STYX: variants seen among roughly 807,000 people sequenced by gnomAD.
STYX encodes serine/threonine/tyrosine interacting protein.
In STYX, 20 loss-of-function variants were observed where a neutral mutation model predicts 42.7. The ratio of observed to expected loss-of-function variants is 0.47; its 90% CI spans 0.33 to 0.68. The LOEUF is 0.68. Among genes scored for constraint, STYX ranks in the 30% least tolerant of loss-of-function variants. The probability of loss-of-function intolerance (pLI) is 0.02; values close to 1 mark genes in which losing one functional copy is unlikely to be tolerated. For missense variants in STYX, 226 were observed against 268.5 expected, an observed-to-expected ratio of 0.84 and a Z score of 1.11; for synonymous variants, 78 against 81.9, an observed-to-expected ratio of 0.95 and a Z score of 0.26.
chr14:52,739,666 G>C (rs923369561), intron 1 of STYX, among the ~76,000 whole-genome samples: 1 of 125,638 alleles, frequency 8.0e-6, no homozygotes, highest in African/African-American at 3.0e-5. Flanking sequence ...CGTTGAGATA[G>C]GGTCTGTCTC....
At chr14:52,737,903 G>A (rs1222571992) in intron 1 of STYX, among the ~76,000 whole-genome samples, 2 of 152,134 alleles carry the variant, frequency 1.3e-5, no homozygotes, top group Admixed American at 6.5e-5. Flanking sequence ...AGCCTCCCGA[G>A]TAGCTGGGAC....
In STYX at chr14:52,738,984, T is replaced by C. The variant is rs546580097; in HGVS notation, c.58-5868T>C. 2.6e-5 allele frequency among the ~76,000 whole-genome samples: 4 copies of C among 152,310 alleles called. No individual in the cohort carries two copies. In the South Asian group the frequency reaches 8.3e-4, roughly 32 times the overall value. On this transcript the variant is annotated intron_variant, in intron 1 of 10. Coordinates refer to ENST00000354586, the MANE Select transcript of STYX (RefSeq NM_145251.4). ...ACTCCTAAATATCACTTTTTTTTTTTTTGTATACACGTTTCTTTCCTGTGA... is the reference window on the plus strand; with the variant it reads ...ACTCCTAAATATCACTTTTTTTTTTCTTGTATACACGTTTCTTTCCTGTGA...
chr14:52,774,390 A>C lies in STYX; in HGVS notation c.*3284A>C, dbSNP rs1359728024. The C allele has an allele frequency of 8.0e-6, 1 of 125,238 alleles. No homozygotes were observed. Among genetic ancestry groups the C allele is most frequent in the East Asian group, 2.3e-4 (1 of 4,416 alleles). The allele number at this position is 125,238 out of a possible 1,614,324, so 7.8% of individuals were successfully genotyped here. A position where few individuals can be genotyped will look rare whatever the true frequency, so the allele number is the denominator to read the frequency against. On this transcript the variant is annotated 3_prime_UTR_variant, in exon 11 of 11. Transcript: ENST00000354586. ...CTTGATGTAAAGTAAATGAGCAGTT[A>C]CCTGGCGGATTTTTTTTTTTTTAAA...
chr14:52,732,247 C>T (rs1185846728), intron 1 of STYX, among the ~76,000 whole-genome samples: 3 of 148,982 alleles, frequency 2.0e-5, no homozygotes, highest in Admixed American at 6.7e-5. Context: ...GGATTACAGG[C>T]GCGCACCGCC....
At position 52,756,532 on chromosome 14, in the gene STYX, C is replaced by G; in HGVS notation, c.243-19C>G. 7.0e-7 allele frequency: 1 copy of G among 1,433,324 alleles called. No individual in the cohort carries two copies. The highest frequency in any genetic ancestry group is 2.4e-5 in the East Asian group (1 of 41,988). 88.8% of individuals were successfully genotyped at this position (1,433,324 alleles called of 1,614,324 possible). On this transcript the variant is annotated intron_variant, in intron 4 of 10. Coordinates refer to ENST00000354586, the MANE Select transcript of STYX (RefSeq NM_145251.4). Reference sequence around the variant, plus strand: ...TGTTTTACTTAAAGTGTGCTTATCACAAAATACTCTATTTTCAGATATTTA... The same window carrying G: ...TGTTTTACTTAAAGTGTGCTTATCAGAAAATACTCTATTTTCAGATATTTA...
chr14:52,750,391 T>A (rs1881564121), intron 3 of STYX, among the ~76,000 whole-genome samples: 1 of 152,202 alleles, frequency 6.6e-6, no homozygotes, highest in Non-Finnish European at 1.5e-5. Context: ...ACTTGCTGTG[T>A]GTCCCAGGTG....
At chr14:52,741,979 C>G (rs1043477704) in intron 1 of STYX, among the ~76,000 whole-genome samples, 12 of 152,086 alleles carry the variant, frequency 7.9e-5, no homozygotes, top group African/African-American at 2.9e-4. Context: ...GGGACTTTAT[C>G]TGTGTGAATT....
intron 2 of STYX, among the ~76,000 whole-genome samples, chr14:52,745,505 G>T (rs77704898): frequency 0.017 from 2,588 of 152,256 alleles, 72 homozygotes; most frequent in African/African-American, 0.059. Context: ...AAAGCAGTTT[G>T]CTTTCTCTGT....
intron 9 of STYX, among the ~76,000 whole-genome samples, chr14:52,767,762 T>G (rs973643338): frequency 9.9e-5 from 15 of 152,168 alleles, no homozygotes; most frequent in African/African-American, 3.6e-4. Flanking sequence ...CATATTAGAA[T>G]CACCTGGGGA....
intron 2 of STYX, among the ~76,000 whole-genome samples, chr14:52,746,164 C>A (rs1302565089): frequency 6.6e-6 from 1 of 151,858 alleles, no homozygotes; most frequent in Non-Finnish European, 1.5e-5. Context: ...CACAGGAGTT[C>A]ATGTCTGTAA....
At chr14:52,733,438 T>C (rs1013156902) in intron 1 of STYX, among the ~76,000 whole-genome samples, 2 of 152,108 alleles carry the variant, frequency 1.3e-5, no homozygotes, top group Admixed American at 1.3e-4. Context: ...CTGACACATA[T>C]GTACCTGAAG....
intron 1 of STYX, among the ~76,000 whole-genome samples, chr14:52,734,162 T>C (rs1037414518): frequency 2.6e-5 from 4 of 152,240 alleles, no homozygotes; most frequent in African/African-American, 9.6e-5. Flanking sequence ...ATTTCCCGTC[T>C]ACTGTGCAGA....
intron 10 of STYX, among the ~76,000 whole-genome samples, chr14:52,770,744 T>C (rs1237909861): frequency 6.6e-6 from 1 of 152,130 alleles, no homozygotes; most frequent in Admixed American, 6.6e-5. Flanking sequence ...TAAACATTTA[T>C]GTATTATCTC....
At chr14:52,755,421 C>A (rs1330231521) in intron 4 of STYX, among the ~76,000 whole-genome samples, 1 of 152,116 alleles carries the variant, frequency 6.6e-6, no homozygotes, top group Non-Finnish European at 1.5e-5. Context: ...CCATGCTCAG[C>A]CTCAGCTTCT....
chr14:52,736,149 G>T (rs1880940920), intron 1 of STYX, among the ~76,000 whole-genome samples: 1 of 152,000 alleles, frequency 6.6e-6, no homozygotes. Context: ...ATTTTCCCCT[G>T]CCTTGGCTGC....
At chr14:52,731,192 T>A (rs1203518356) in intron 1 of STYX, among the ~76,000 whole-genome samples, 1 of 152,222 alleles carries the variant, frequency 6.6e-6, no homozygotes, top group Non-Finnish European at 1.5e-5. Context: ...TCGGATTTTT[T>A]TTCATCTGTT....
At position 52,771,080 on chromosome 14, in the gene STYX, C is replaced by G. The variant is rs1268500268; in HGVS notation, c.646C>G (p.Gln216Glu). The change falls in exon 11 of 11, where the codon CAA (glutamine) becomes GAA (glutamate). Residue 216 changes from glutamine to glutamate, a missense_variant. By Grantham distance (29) the Gln-to-Glu change is conservative. Coordinates refer to ENST00000354586, the MANE Select transcript of STYX (RefSeq NM_145251.4). ...HEEEDDFGTM[Q>E]VATAQNG Reference sequence around the variant, plus strand: ...AGAAGAGGATGATTTTGGAACCATGCAAGTGGCGACTGCACAGAATGGCTG... The same window carrying G: ...AGAAGAGGATGATTTTGGAACCATGGAAGTGGCGACTGCACAGAATGGCTG... 6.2e-7 allele frequency: 1 copy of G among 1,611,878 alleles called. No homozygotes were observed. The highest frequency in any genetic ancestry group is 2.2e-5 in the East Asian group (1 of 44,814).
At chr14:52,754,587 G>A (rs1403475045) in intron 4 of STYX, among the ~76,000 whole-genome samples, 1 of 151,978 alleles carries the variant, frequency 6.6e-6, no homozygotes, top group Non-Finnish European at 1.5e-5. Flanking sequence ...ATCATCTACA[G>A]TTCCACAATT....
intron 9 of STYX, 27 bp from the exon 10 acceptor site, chr14:52,768,813 A>T: frequency 6.8e-7 from 1 of 1,469,984 alleles, no homozygotes; most frequent in Non-Finnish European, 9.3e-7. Context: ...ATATATAATT[A>T]AGTTAATTAA....
Sources: gnomAD v4.1 joint callset for allele counts (sites outside exome capture counted in the v4.1 genomes callset) on GRCh38, gnomAD v4.1.1 for gene constraint, MANE v1.5 for transcripts, NCBI Gene and HGNC (gene_info 2026-07-23, HGNC 2026-07-21) for gene names.